ESRRG: variants seen among roughly 807,000 people sequenced by gnomAD.
ESRRG encodes estrogen-related receptor gamma.
In ESRRG, 13 loss-of-function variants were observed where a neutral mutation model predicts 44.0. That is an observed-to-expected ratio of 0.30 (90% CI 0.19 to 0.47). The LOEUF is 0.47. Ranked by LOEUF, ESRRG falls within the 20% of genes least tolerant of loss-of-function variation. The pLI, the probability that ESRRG is intolerant of heterozygous loss-of-function variation, is 1.00. For synonymous variants in ESRRG, 215 were observed against 214.6 expected, an observed-to-expected ratio of 1.00 and a Z score of -0.02; for missense variants, 395 against 580.6, an observed-to-expected ratio of 0.68 and a Z score of 3.29.
At chr1:216,737,540 A>G (rs1304020821) in intron 2 of ESRRG, among the ~76,000 whole-genome samples, 1 of 152,148 alleles carries the variant, frequency 6.6e-6, no homozygotes, top group Non-Finnish European at 1.5e-5. Context: ...GGTGAATTCA[A>G]TATGCTGCCA....
chr1:216,961,864 AAG>A (rs1183413251), intron 1 of ESRRG, among the ~76,000 whole-genome samples: 1 of 152,134 alleles, frequency 6.6e-6, no homozygotes, highest in Non-Finnish European at 1.5e-5. Flanking sequence ...ATTTGGCTAA[AAG>A]AGAAAAACAC....
At chr1:217,051,205 G>T (rs1250934194) in intron 1 of ESRRG, among the ~76,000 whole-genome samples, 1 of 44,884 alleles carries the variant, frequency 2.2e-5, no homozygotes, top group Non-Finnish European at 4.9e-5. Flanking sequence ...TAATGGGGGC[G>T]GGGGGGGGGG....
intron 2 of ESRRG, among the ~76,000 whole-genome samples, chr1:216,927,866 A>G (rs957024581): frequency 1.3e-5 from 2 of 152,220 alleles, no homozygotes; most frequent in Non-Finnish European, 2.9e-5. Context: ...AGAGCAGACA[A>G]TTCAAAGGGC....
intron 3 of ESRRG, among the ~76,000 whole-genome samples, chr1:216,637,808 G>T (rs1353069312): frequency 1.3e-5 from 2 of 150,398 alleles, no homozygotes; most frequent in Non-Finnish European, 3.0e-5. Context: ...GATACCAATT[G>T]CTATATTGTC....
chr1:216,736,954 A>G lies in ESRRG; in HGVS notation c.-13-59463T>C, dbSNP rs1174830061. Among the ~76,000 whole-genome samples the G allele has an allele frequency of 2.0e-5, 3 of 152,156 alleles. 1 individual carries two copies. The highest frequency in any genetic ancestry group is 4.4e-5 in the Non-Finnish European group (3 of 68,014). ...CTTTTATTAAAAATAAATGGCTCAG[A>G]ATTCGCTTTGTTATTCATATATTCT... On this transcript the variant is annotated intron_variant, in intron 2 of 7. Transcript: ENST00000359162.
intron 1 of ESRRG, among the ~76,000 whole-genome samples, chr1:217,122,153 T>C (rs962242131): frequency 2.6e-5 from 4 of 152,328 alleles, no homozygotes; most frequent in East Asian, 3.9e-4. Context: ...CCATTATATA[T>C]TGGAGTTCCA....
chr1:216,545,661 G>A (rs1334097398), intron 5 of ESRRG, among the ~76,000 whole-genome samples: 1 of 151,922 alleles, frequency 6.6e-6, no homozygotes, highest in East Asian at 1.9e-4. Flanking sequence ...TTATATGTTT[G>A]TTAAAATGCA....
At chr1:216,934,514 G>A (rs1002579987) in intron 2 of ESRRG, among the ~76,000 whole-genome samples, 1 of 152,188 alleles carries the variant, frequency 6.6e-6, no homozygotes, top group African/African-American at 2.4e-5. Context: ...TGGCTGGGGT[G>A]GCCTCACAAT....
intron 2 of ESRRG, among the ~76,000 whole-genome samples, chr1:216,851,280 A>C (rs2095839010): frequency 6.6e-6 from 1 of 152,140 alleles, no homozygotes; most frequent in Non-Finnish European, 1.5e-5. Context: ...GCAGACCTGA[A>C]ACCAACAAGA....
At chr1:216,782,317 G>A (rs1295520013) in intron 2 of ESRRG, among the ~76,000 whole-genome samples, 1 of 151,986 alleles carries the variant, frequency 6.6e-6, no homozygotes, top group African/African-American at 2.4e-5. Context: ...CCACCTGTGA[G>A]TAATGGCATG....
chr1:216,601,482 A>T (rs1194041915), intron 3 of ESRRG, among the ~76,000 whole-genome samples: 1 of 152,212 alleles, frequency 6.6e-6, no homozygotes, highest in Non-Finnish European at 1.5e-5. Flanking sequence ...ACATTTCCTG[A>T]AGAGGATTCC....
intron 1 of ESRRG, among the ~76,000 whole-genome samples, chr1:216,943,696 A>T (rs142835746): frequency 5.0e-4 from 76 of 152,322 alleles, no homozygotes; most frequent in African/African-American, 1.8e-3. Flanking sequence ...GATTTTTAAA[A>T]GGGGAAACAC....
intron 2 of ESRRG, among the ~76,000 whole-genome samples, chr1:216,896,159 G>T (rs1190839746): frequency 1.3e-5 from 2 of 152,038 alleles, no homozygotes; most frequent in African/African-American, 2.4e-5. Flanking sequence ...AAAAAAATAG[G>T]CTAAAATTTT....
At chr1:216,546,243 C>A (rs934579854) in intron 5 of ESRRG, among the ~76,000 whole-genome samples, 2 of 152,146 alleles carry the variant, frequency 1.3e-5, no homozygotes, top group Non-Finnish European at 1.5e-5. Context: ...GGCAAAATTG[C>A]CCCATGTGTC....
intron 2 of ESRRG, among the ~76,000 whole-genome samples, chr1:216,751,192 G>A (rs2091974393): frequency 6.6e-6 from 1 of 152,154 alleles, no homozygotes; most frequent in Admixed American, 6.6e-5. Context: ...AAATGGGGCA[G>A]TGTATGTCTC....
intron 2 of ESRRG, among the ~76,000 whole-genome samples, chr1:216,887,491 G>A (rs535062966): frequency 3.3e-5 from 5 of 152,224 alleles, no homozygotes; most frequent in Admixed American, 1.3e-4. Context: ...ACATGCTGTC[G>A]CTTTTATACA....
In ESRRG at chr1:217,083,865, C is replaced by T. The variant is rs949843570; in HGVS notation, c.-106+5642G>A. ...CATGTTTACTATAGTACTATAGCTA[C>T]AGTCTCTAAGAAAAGCTATAACTTG... On this transcript the variant is annotated intron_variant, in intron 1 of 7. Transcript: ENST00000359162. 7.2e-5 allele frequency among the ~76,000 whole-genome samples: 11 copies of T among 152,286 alleles called. No individual in the cohort carries two copies. In the South Asian group the frequency reaches 1.9e-3, roughly 26 times the overall value.
At chr1:216,527,863 T>C (rs932822298) in intron 5 of ESRRG, among the ~76,000 whole-genome samples, 1 of 152,056 alleles carries the variant, frequency 6.6e-6, no homozygotes, top group African/African-American at 2.4e-5. Context: ...ACCCCTGAAG[T>C]AAGGGAGTGG....
At chr1:217,094,029 C>T (rs762797484), upstream of ESRRG, among the ~76,000 whole-genome samples, 5 of 151,934 alleles carry the variant, frequency 3.3e-5, no homozygotes, top group African/African-American at 7.2e-5. Context: ...ACTACAGGTA[C>T]GTGCCACCAT....
Sources: allele counts gnomAD v4.1 joint callset (sites outside exome capture counted in the v4.1 genomes callset), GRCh38; gene constraint gnomAD v4.1.1; transcripts MANE v1.5; gene names NCBI Gene and HGNC (gene_info 2026-07-23, HGNC 2026-07-21).